The following C5 variants were observed in gnomAD, a reference collection of about 807,000 sequenced individuals.
C5 encodes complement C5, also known as C3 and PZP-like alpha-2-macroglobulin domain-containing protein 4.
C5 carries 140 observed loss-of-function variants against 218.8 expected under a neutral mutation model. The ratio of observed to expected loss-of-function variants is 0.64; its 90% CI spans 0.56 to 0.74. The LOEUF (loss-of-function observed/expected upper bound fraction) is 0.74. C5 is among the 30% of genes least tolerant of loss of function. The probability of loss-of-function intolerance (pLI) is 0.00; values close to 1 mark genes in which losing one functional copy is unlikely to be tolerated. For synonymous variants in C5, 614 were observed against 682.3 expected (o/e 0.90, Z 1.56); for missense variants, 1,700 against 1,969.6 (o/e 0.86, Z 2.59).
chr9:121,052,142 C>T (rs753758981), upstream of C5, among the ~76,000 whole-genome samples: 7 of 152,006 alleles, frequency 4.6e-5, no homozygotes, highest in Non-Finnish European at 1.0e-4. Context: ...TTTTTATCTA[C>T]CTTCTAAATG....
In C5 at chr9:120,981,999, T is replaced by C. The variant is rs573099525; in HGVS notation, c.3391-60A>G. 5.5e-6 allele frequency: 6 copies of C among 1,096,004 alleles called. No individual in the cohort carries two copies. In the African/African-American group the frequency reaches 7.7e-5, roughly 14 times the overall value. 67.9% of individuals were successfully genotyped at this position (1,096,004 alleles called of 1,614,324 possible). Reference sequence around the variant, plus strand: ...ATGGTGTCTTTAAGGCGAAATGACCTGATTCTACTCTGTTTTTTGTTTGTT... The same window carrying C: ...ATGGTGTCTTTAAGGCGAAATGACCCGATTCTACTCTGTTTTTTGTTTGTT... On this transcript the variant is annotated intron_variant, in intron 26 of 40. Coordinates refer to ENST00000223642, the MANE Select transcript of C5 (RefSeq NM_001735.3).
chr9:121,041,692 C>T (rs977793313), intron 3 of C5, among the ~76,000 whole-genome samples: 8 of 152,094 alleles, frequency 5.3e-5, no homozygotes, highest in Admixed American at 2.0e-4. Context: ...AGTTGTGGGA[C>T]GTGTCAACAG....
At chr9:121,036,611 AC>A (rs3838265) in intron 4 of C5, among the ~76,000 whole-genome samples, 78,347 of 151,762 alleles carry the variant, frequency 0.52, 22,517 homozygotes, top group South Asian at 0.8. Flanking sequence ...AGCTTAACTC[AC>A]ACTGTTTCTT....
intron 7 of C5, among the ~76,000 whole-genome samples, chr9:121,029,400 T>G (rs1296121533): frequency 6.6e-6 from 1 of 152,220 alleles, no homozygotes; most frequent in Non-Finnish European, 1.5e-5. Flanking sequence ...AGCAAATTAT[T>G]AAACATTTAT....
At chr9:121,045,728 G>A (rs1173565578) in intron 2 of C5, among the ~76,000 whole-genome samples, 2 of 152,056 alleles carry the variant, frequency 1.3e-5, no homozygotes, top group Non-Finnish European at 2.9e-5. Flanking sequence ...GTCAATGAGA[G>A]CTATTCACTT....
intron 9 of C5, among the ~76,000 whole-genome samples, chr9:121,024,410 C>T (rs2047401694): frequency 6.8e-6 from 1 of 146,528 alleles, no homozygotes; most frequent in South Asian, 2.2e-4. Context: ...GGCAAGAGCC[C>T]AATAATGTTA....
the C5 span, among the ~76,000 whole-genome samples, chr9:121,055,360 T>C: frequency 1.6e-4 from 24 of 152,030 alleles, no homozygotes; most frequent in Admixed American, 1.4e-3. Context: ...GCTGTCCTGG[T>C]CTTGGAGGCA....
At chr9:121,047,818 T>C (rs560936078) in intron 1 of C5, among the ~76,000 whole-genome samples, 37 of 152,184 alleles carry the variant, frequency 2.4e-4, no homozygotes, top group Non-Finnish European at 5.0e-4. Context: ...CTTCCCCACA[T>C]GCCTAGTAGG....
At chr9:121,029,659 T>C (rs1015633262) in intron 7 of C5, among the ~76,000 whole-genome samples, 1 of 152,204 alleles carries the variant, frequency 6.6e-6, no homozygotes, top group Non-Finnish European at 1.5e-5. Flanking sequence ...GCACAGTTCC[T>C]TGTGTCCACA....
At chr9:121,003,979 C>T (rs896900197) in intron 20 of C5, among the ~76,000 whole-genome samples, 2 of 152,134 alleles carry the variant, frequency 1.3e-5, no homozygotes, top group Non-Finnish European at 2.9e-5. Flanking sequence ...CGCCATTCTC[C>T]GGCCTCTGTC....
Position 121,000,058 on chromosome 9 carries a change from C to CA in C5, c.2563-2285dup, listed in dbSNP as rs56914253. 0.1 allele frequency: 17,533 copies of CA among 171,356 alleles called. 505 individuals carry two copies. The highest frequency in any genetic ancestry group is 0.12 in the Non-Finnish European group (9,953 of 84,980). 10.6% of individuals were successfully genotyped at this position (171,356 alleles called of 1,614,324 possible). Reference sequence around the variant, plus strand: ...TGGGCGACAGGGCGAGACTCTGTCTCAAAAAAAAAAAAAATGCTGTCAAGT... The same window carrying CA: ...TGGGCGACAGGGCGAGACTCTGTCTCAAAAAAAAAAAAAAATGCTGTCAAGT... On this transcript the variant is annotated intron_variant, in intron 20 of 40. Coordinates refer to ENST00000223642, the MANE Select transcript of C5 (RefSeq NM_001735.3).
At chr9:121,018,596 A>C in intron 12 of C5, among the ~76,000 whole-genome samples, 1 of 122,520 alleles carries the variant, frequency 8.2e-6, no homozygotes. Flanking sequence ...GAAGGAAGGA[A>C]GGAAGGAAGG....
chr9:120,959,248 C>T (rs938664130), intron 38 of C5, among the ~76,000 whole-genome samples: 25 of 118,568 alleles, frequency 2.1e-4, no homozygotes, highest in African/African-American at 1.1e-3. Flanking sequence ...TTCTTTCTTT[C>T]TTTCTTTCTT....
chr9:121,020,876 C>T (rs2047359299), intron 11 of C5, among the ~76,000 whole-genome samples: 2 of 152,164 alleles, frequency 1.3e-5, no homozygotes. Context: ...ACTCATCTTG[C>T]TAATTAAATG....
At chr9:121,042,712 C>T (rs1248931941) in intron 3 of C5, among the ~76,000 whole-genome samples, 1 of 152,132 alleles carries the variant, frequency 6.6e-6, no homozygotes, top group Non-Finnish European at 1.5e-5. Flanking sequence ...TACATTTTTA[C>T]ATAACATTCA....
At chr9:121,058,500 G>A in the C5 span, among the ~76,000 whole-genome samples, 1 of 152,106 alleles carries the variant, frequency 6.6e-6, no homozygotes, top group Non-Finnish European at 1.5e-5. Flanking sequence ...GTGCAGTAGT[G>A]CAATCTCAGT....
In C5 at chr9:121,025,738, C is replaced by T. The variant is rs1324212766; in HGVS notation, c.874-158G>A. On this transcript the variant is annotated intron_variant, in intron 8 of 40. Coordinates refer to ENST00000223642, the MANE Select transcript of C5 (RefSeq NM_001735.3). ...AGATAACCGAGTCCACGATTAAGCC[C>T]AGGATGTTATTTTCTAATTATTTGT... 3 of 634,270 alleles carry T rather than the reference C, an allele frequency of 4.7e-6. No individual in the cohort carries two copies. In the East Asian group the frequency reaches 8.6e-5, roughly 18 times the overall value. The allele number at this position is 634,270 out of a possible 1,614,324, so 39.3% of individuals were successfully genotyped here.
chr9:120,974,697 A>T (rs2046939560), intron 30 of C5, 82 bp downstream of exon 30: 1 of 1,264,706 alleles, frequency 7.9e-7, no homozygotes, highest in African/African-American at 1.5e-5. Flanking sequence ...GTGAAGAGAT[A>T]GATTTATAAA....
At chr9:120,971,227 A>C (rs900314945) in intron 31 of C5, among the ~76,000 whole-genome samples, 5 of 151,566 alleles carry the variant, frequency 3.3e-5, no homozygotes, top group African/African-American at 1.2e-4. Flanking sequence ...AAAATGAAGA[A>C]ATAAGTCTTT....
Sources: allele counts gnomAD v4.1 joint callset (sites outside exome capture counted in the v4.1 genomes callset), GRCh38; gene constraint gnomAD v4.1.1; transcripts MANE v1.5; gene names NCBI Gene and HGNC (gene_info 2026-07-23, HGNC 2026-07-21).